TRA2B: variants seen among roughly 807,000 people sequenced by gnomAD.
TRA2B encodes transformer-2 protein homolog beta.
Under a neutral mutation model 41.7 loss-of-function variants are expected in TRA2B, and 14 were observed. The ratio of observed to expected loss-of-function variants is 0.34; its 90% CI spans 0.22 to 0.53. The LOEUF is 0.53. Among genes scored for constraint, TRA2B ranks in the 20% least tolerant of loss-of-function variants. TRA2B has a pLI of 0.95. For missense variants in TRA2B, 167 were observed against 396.8 expected, an observed-to-expected ratio of 0.42 and a Z score of 4.92; for synonymous variants, 130 against 128.8, an observed-to-expected ratio of 1.01 and a Z score of -0.06.
intron 1 of TRA2B, chr3:185,931,827 C>G: frequency 3.3e-6 from 5 of 1,508,392 alleles, no homozygotes; most frequent in Non-Finnish European, 3.5e-6. Context: ...ATGACGACTT[C>G]CGCATTTTCC....
At chr3:185,926,799 G>A (rs1743970040) in intron 1 of TRA2B, 65 bp from the exon 2 acceptor site, 4 of 1,579,688 alleles carry the variant, frequency 2.5e-6, no homozygotes, top group Non-Finnish European at 3.4e-6. Context: ...CAAATAAGCT[G>A]CTGTGAGATA....
chr3:185,926,547 G>C, intron 2 of TRA2B, 54 bp downstream of exon 2: 1 of 1,602,788 alleles, frequency 6.2e-7, no homozygotes, highest in South Asian at 1.1e-5. Context: ...TACAAAACAC[G>C]CACCAATTTC....
At chr3:185,926,420 C>T (rs1426019110) in intron 2 of TRA2B, among the ~76,000 whole-genome samples, 181 bp downstream of exon 2, 4 of 152,204 alleles carry the variant, frequency 2.6e-5, no homozygotes, top group South Asian at 2.1e-4. Context: ...AAAACCCTGA[C>T]TCCAAAAGCC....
intron 1 of TRA2B, chr3:185,928,232 T>C (rs1744024692): frequency 6.6e-6 from 1 of 152,222 alleles, no homozygotes; most frequent in Non-Finnish European, 1.5e-5. Flanking sequence ...AAATTAAGGT[T>C]TGAGGTTTAA....
intron 1 of TRA2B, chr3:185,931,736 C>A: frequency 6.8e-7 from 1 of 1,461,724 alleles, no homozygotes; most frequent in Non-Finnish European, 9.0e-7. Context: ...TGATAATTAG[C>A]ATGCATTCTT....
At chr3:185,924,955 A>T (rs1743887577) in intron 3 of TRA2B, 1 of 152,262 alleles carries the variant, frequency 6.6e-6, no homozygotes, top group African/African-American at 2.4e-5. Flanking sequence ...CTCTAAAAAC[A>T]TTAAGTCCCC....
At position 185,934,200 on chromosome 3, in the gene TRA2B, T is replaced by C. The variant is rs1004734916; in HGVS notation, c.36+3625A>G. Among the ~76,000 whole-genome samples, 4 of 152,296 alleles carry C rather than the reference T, an allele frequency of 2.6e-5. No individual in the cohort carries two copies. In the East Asian group the frequency reaches 5.8e-4, roughly 22 times the overall value. ...GCCTTGTTAAAAAAACAGTCGCATA[T>C]GTAAAAACACTGATCAACATAAAAT... On this transcript the variant is annotated intron_variant, in intron 1 of 8. Coordinates refer to ENST00000453386, the MANE Select transcript of TRA2B (RefSeq NM_004593.3).
Position 185,919,506 on chromosome 3 carries a change from CAGAA to C in TRA2B, c.723-14_723-11del, listed in dbSNP as rs768217111. On this transcript the variant is annotated splice_polypyrimidine_tract_variant and intron_variant, in intron 6 of 8. Transcript: ENST00000453386. ...TCCTCCACCTCCTCCTCTGTGAAGACAGAAAGGCAACACAACACGCATTCAGTTT... is the reference window on the plus strand; with the variant it reads ...TCCTCCACCTCCTCCTCTGTGAAGACAGGCAACACAACACGCATTCAGTTT... The C allele has an allele frequency of 1.3e-5, 21 of 1,609,104 alleles. No homozygotes were observed. The highest frequency in any genetic ancestry group is 3.4e-5 in the Admixed American group (2 of 58,372).
intron 4 of TRA2B, chr3:185,923,121 A>C (rs1465060178): frequency 6.6e-6 from 1 of 152,296 alleles, no homozygotes; most frequent in African/African-American, 2.4e-5. Context: ...CGTCTCTACT[A>C]AAAATACAAA....
intron 4 of TRA2B, 80 bp downstream of exon 4, chr3:185,923,716 C>A: frequency 7.3e-7 from 1 of 1,368,616 alleles, no homozygotes; most frequent in South Asian, 1.5e-5. Flanking sequence ...TGTCCTTGTC[C>A]TTATCCTAGC....
At position 185,921,176 on chromosome 3, in the gene TRA2B, C is replaced by G; in HGVS notation, c.650G>C (p.Arg217Pro). The G allele has an allele frequency of 6.2e-7, 1 of 1,613,946 alleles. No individual in the cohort carries two copies. The highest frequency in any genetic ancestry group is 8.5e-7 in the Non-Finnish European group (1 of 1,179,992). ...TCCTCTGTCATAGTAATCCCGACGG[C>G]GAGAGCTGCCACTATGAAGAAAAAA... ...YMGRPTYGSSRRRDYYDRGYD... is the reference protein window; with the variant it reads ...YMGRPTYGSSPRRDYYDRGYD... The change falls in exon 6 of 9, where the codon CGC (arginine) becomes CCC (proline). Residue 217 changes from arginine to proline, a missense_variant. Arg to Pro is a moderately radical substitution (Grantham distance 103). This residue lies in a region of TRA2B where 23 missense variants were observed against 39.7 expected (regional missense o/e 0.58). Coordinates refer to ENST00000453386, the MANE Select transcript of TRA2B (RefSeq NM_004593.3).
intron 1 of TRA2B, among the ~76,000 whole-genome samples, chr3:185,929,833 C>T (rs1744083460): frequency 6.6e-6 from 1 of 152,144 alleles, no homozygotes; most frequent in Non-Finnish European, 1.5e-5. Flanking sequence ...CTTAGTCAAC[C>T]TCAGAAGTTA....
intron 6 of TRA2B, among the ~76,000 whole-genome samples, chr3:185,920,674 G>C (rs1480792696): frequency 3.3e-5 from 5 of 151,922 alleles, no homozygotes; most frequent in African/African-American, 1.2e-4. Flanking sequence ...CCTGCCAGTA[G>C]CTGGGACTAC....
chr3:185,936,866 G>C (rs1426101271), intron 1 of TRA2B: 5 of 985,220 alleles, frequency 5.1e-6, no homozygotes, highest in Middle Eastern at 5.2e-4. Context: ...TTAAACCCTA[G>C]AACTGTCTTG....
intron 5 of TRA2B, among the ~76,000 whole-genome samples, chr3:185,921,699 G>A (rs1479070773): frequency 6.6e-6 from 1 of 152,160 alleles, no homozygotes; most frequent in Non-Finnish European, 1.5e-5. Context: ...AGGAGGCGAA[G>A]GTTGCAGTGA....
intron 1 of TRA2B, among the ~76,000 whole-genome samples, chr3:185,933,625 A>G (rs1744234095): frequency 6.6e-6 from 1 of 152,142 alleles, no homozygotes; most frequent in Admixed American, 6.6e-5. Flanking sequence ...GGAAAGGTCA[A>G]TGCTCATATC....
chr3:185,937,997 C>A lies in TRA2B; in HGVS notation c.-137G>T. The A allele has an allele frequency of 1.3e-5, 12 of 949,892 alleles. No homozygotes were observed. In the South Asian group the frequency reaches 1.6e-4, roughly 13 times the overall value. 58.8% of individuals were successfully genotyped at this position (949,892 alleles called of 1,614,324 possible). On this transcript the variant is annotated 5_prime_UTR_variant, in exon 1 of 9. Coordinates refer to ENST00000453386, the MANE Select transcript of TRA2B (RefSeq NM_004593.3). Reference sequence around the variant, plus strand: ...CGCTCAGAGCCGAAATGCTCCGCACCGCCTCCGCACGGGCTCTAACTCTAC... The same window carrying A: ...CGCTCAGAGCCGAAATGCTCCGCACAGCCTCCGCACGGGCTCTAACTCTAC...
chr3:185,921,271 C>T (rs1002814444), intron 5 of TRA2B, 84 bp from the exon 6 acceptor site: 1 of 1,136,958 alleles, frequency 8.8e-7, no homozygotes, highest in Non-Finnish European at 1.3e-6. Context: ...TTTTCTGACA[C>T]ATTAACTGGA....
At chr3:185,919,821 G>A (rs1743647689) in intron 6 of TRA2B, among the ~76,000 whole-genome samples, 1 of 152,110 alleles carries the variant, frequency 6.6e-6, no homozygotes, top group Non-Finnish European at 1.5e-5. Flanking sequence ...TTTCATGGGT[G>A]ATAAAATGCT....
Sources: gnomAD v4.1 joint callset for allele counts (sites outside exome capture counted in the v4.1 genomes callset) on GRCh38, gnomAD v4.1.1 for gene constraint, gnomAD v4.1.1 regional missense constraint, MANE v1.5 for transcripts, NCBI Gene and HGNC (gene_info 2026-07-23, HGNC 2026-07-21) for gene names.